MAD1L1: variants seen among roughly 807,000 people sequenced by gnomAD.
MAD1L1 encodes mitotic arrest deficient 1 like 1, also known as mitotic spindle assembly checkpoint protein MAD1.
MAD1L1 carries 95 observed loss-of-function variants against 96.9 expected under a neutral mutation model. That is an observed-to-expected ratio of 0.98 (90% CI 0.83 to 1.16). MAD1L1 has a LOEUF of 1.16. Among genes scored for constraint, MAD1L1 ranks in the 50% most tolerant of loss-of-function variants. The pLI is 0.00. For synonymous variants in MAD1L1, 473 were observed against 396.6 expected, an observed-to-expected ratio of 1.19 and a Z score of -2.29; for missense variants, 1,007 against 954.4, an observed-to-expected ratio of 1.06 and a Z score of -0.73.
At chr7:2,038,319 C>G (rs1300031495) in intron 12 of MAD1L1, among the ~76,000 whole-genome samples, 1 of 152,052 alleles carries the variant, frequency 6.6e-6, no homozygotes, top group Non-Finnish European at 1.5e-5. Flanking sequence ...TCCAGAAGAT[C>G]CAGCTAAGAG....
chr7:2,193,511 C>T (rs1791829023), intron 10 of MAD1L1: 1 of 152,298 alleles, frequency 6.6e-6, no homozygotes, highest in Non-Finnish European at 1.5e-5. Flanking sequence ...GTCATAAGCC[C>T]TCAACAAATA....
intron 12 of MAD1L1, among the ~76,000 whole-genome samples, chr7:2,062,173 C>T (rs1489332111): frequency 1.3e-5 from 2 of 149,744 alleles, no homozygotes; most frequent in African/African-American, 2.5e-5. Context: ...ACCCAAGAGA[C>T]GGAGGTTGCA....
intron 11 of MAD1L1, among the ~76,000 whole-genome samples, chr7:2,126,154 A>G (rs1470883264): frequency 1.3e-5 from 2 of 152,186 alleles, no homozygotes; most frequent in Non-Finnish European, 2.9e-5. Context: ...CCTCTGCCAT[A>G]TGGCCTAGGT....
intron 14 of MAD1L1, among the ~76,000 whole-genome samples, chr7:1,981,246 C>T (rs1290843142): frequency 1.3e-5 from 2 of 152,212 alleles, no homozygotes; most frequent in Admixed American, 6.5e-5. Context: ...GGATGACAAG[C>T]GTGAGCCGGT....
chr7:2,180,118 G>A (rs1454935516), intron 10 of MAD1L1, among the ~76,000 whole-genome samples: 1 of 152,186 alleles, frequency 6.6e-6, no homozygotes, highest in Non-Finnish European at 1.5e-5. Context: ...GCAAACAAAA[G>A]ACTCACCAGA....
intron 10 of MAD1L1, among the ~76,000 whole-genome samples, chr7:2,173,152 C>CT (rs1790789180): frequency 6.6e-6 from 1 of 152,228 alleles, no homozygotes; most frequent in South Asian, 2.1e-4. Flanking sequence ...AGCAAACACT[C>CT]TAAGTTATTT....
chr7:2,152,180 G>A (rs141015950), intron 10 of MAD1L1, among the ~76,000 whole-genome samples: 25 of 152,314 alleles, frequency 1.6e-4, no homozygotes, highest in African/African-American at 5.3e-4. Flanking sequence ...GCACTGTCAC[G>A]TGATGGGCTC....
At chr7:1,862,818 A>T (rs980454828) in intron 18 of MAD1L1, among the ~76,000 whole-genome samples, 2 of 152,282 alleles carry the variant, frequency 1.3e-5, no homozygotes, top group South Asian at 4.1e-4. Flanking sequence ...AAACAAACTC[A>T]AAAGAGACAA....
chr7:2,034,288 C>A (rs1223297369), intron 12 of MAD1L1, among the ~76,000 whole-genome samples: 2 of 150,520 alleles, frequency 1.3e-5, no homozygotes, highest in Non-Finnish European at 2.9e-5. Flanking sequence ...GTGATCTAGG[C>A]TCACAGCAAC....
intron 10 of MAD1L1, among the ~76,000 whole-genome samples, chr7:2,154,886 G>A (rs538072857): frequency 3.7e-4 from 57 of 152,272 alleles, no homozygotes; most frequent in African/African-American, 7.9e-4. Context: ...GCATTCCGGC[G>A]CCCTCTTCTC....
intron 12 of MAD1L1, among the ~76,000 whole-genome samples, chr7:2,042,337 G>A (rs990029644): frequency 1.1e-4 from 17 of 151,736 alleles, no homozygotes; most frequent in Admixed American, 2.6e-4. Context: ...ACGGACACAC[G>A]CACAGACACA....
At chr7:1,837,009 T>A (rs187246096) in intron 18 of MAD1L1, among the ~76,000 whole-genome samples, 2 of 152,300 alleles carry the variant, frequency 1.3e-5, no homozygotes, top group East Asian at 1.9e-4. Flanking sequence ...TCAAAAGACA[T>A]TGTTAAGAGA....
chr7:1,893,017 A>T (rs1296127522), intron 18 of MAD1L1, among the ~76,000 whole-genome samples: 1 of 152,224 alleles, frequency 6.6e-6, no homozygotes, highest in African/African-American at 2.4e-5. Flanking sequence ...GGAGGAGTGC[A>T]GCCGGGATGG....
intron 18 of MAD1L1, among the ~76,000 whole-genome samples, chr7:1,841,716 C>T (rs765486405): frequency 2.6e-5 from 4 of 152,252 alleles, no homozygotes; most frequent in Admixed American, 1.3e-4. Flanking sequence ...CTGCTTCCCT[C>T]GCGGGGCAGA....
At chr7:2,173,033 C>T (rs984392182) in intron 10 of MAD1L1, among the ~76,000 whole-genome samples, 4 of 152,208 alleles carry the variant, frequency 2.6e-5, no homozygotes, top group Admixed American at 6.5e-5. Context: ...ACGTATTCCT[C>T]GTGAAGTTAC....
At chr7:2,141,552 C>A (rs1479438397) in intron 11 of MAD1L1, among the ~76,000 whole-genome samples, 1 of 152,210 alleles carries the variant, frequency 6.6e-6, no homozygotes, top group Admixed American at 6.5e-5. Context: ...ACTGGAGGAA[C>A]AAGAAGGCAC....
At chr7:1,946,878 C>G (rs972203166) in intron 16 of MAD1L1, among the ~76,000 whole-genome samples, 3 of 152,234 alleles carry the variant, frequency 2.0e-5, no homozygotes, top group Non-Finnish European at 4.4e-5. Context: ...ACCTGTGCCT[C>G]CAGGAGGCCT....
At chr7:2,191,011 A>G (rs1379489317) in intron 10 of MAD1L1, among the ~76,000 whole-genome samples, 1 of 152,238 alleles carries the variant, frequency 6.6e-6, no homozygotes, top group Non-Finnish European at 1.5e-5. Flanking sequence ...AGAGACTTCA[A>G]TACAAATGTT....
At chr7:1,942,555 A>G (rs1486147160) in intron 16 of MAD1L1, among the ~76,000 whole-genome samples, 1 of 152,160 alleles carries the variant, frequency 6.6e-6, no homozygotes, top group East Asian at 1.9e-4. Flanking sequence ...TATGTCCTAT[A>G]CAAACAGCAC....
Sources: gnomAD v4.1 joint callset for allele counts (sites outside exome capture counted in the v4.1 genomes callset) on GRCh38, gnomAD v4.1.1 for gene constraint, MANE v1.5 for transcripts, NCBI Gene and HGNC (gene_info 2026-07-23, HGNC 2026-07-21) for gene names.